The following PCDHGA1 variants were observed in gnomAD, a reference collection of about 807,000 sequenced individuals.
The protein encoded by PCDHGA1 is protocadherin gamma-A1.
A neutral mutation model predicts 58.0 loss-of-function variants in PCDHGA1; 32 were observed. That is an observed-to-expected ratio of 0.55 (90% CI 0.42 to 0.74). The LOEUF is 0.74. PCDHGA1 is among the 30% of genes least tolerant of loss of function. The pLI, the probability that PCDHGA1 is intolerant of heterozygous loss-of-function variation, is 0.00. For synonymous variants in PCDHGA1, 498 were observed against 501.1 expected, an observed-to-expected ratio of 0.99 and a Z score of 0.08; for missense variants, 1,205 against 1,182.3, an observed-to-expected ratio of 1.02 and a Z score of -0.28.
At chr5:141,341,055 T>A in intron 1 of PCDHGA1, 1 of 1,614,206 alleles carries the variant, frequency 6.2e-7, no homozygotes, top group Non-Finnish European at 8.5e-7. Context: ...TACCTGGTGG[T>A]GGCGGTGGCC....
intron 1 of PCDHGA1, chr5:141,421,331 C>T: frequency 1.2e-6 from 2 of 1,613,856 alleles, no homozygotes; most frequent in East Asian, 2.2e-5. Flanking sequence ...ATCCGATATT[C>T]GGTGCCAGAA....
intron 1 of PCDHGA1, chr5:141,427,194 T>G (rs759512205): frequency 6.6e-6 from 3 of 456,512 alleles, no homozygotes; most frequent in Non-Finnish European, 1.3e-5. Context: ...ATCCAAAGAC[T>G]TAATAGACTT....
At chr5:141,417,915 C>T in intron 1 of PCDHGA1, 1 of 1,603,354 alleles carries the variant, frequency 6.2e-7, no homozygotes. Flanking sequence ...GTACTATTTC[C>T]TTTGCTGCTG....
At chr5:141,435,430 T>C (rs576681937) in intron 1 of PCDHGA1, among the ~76,000 whole-genome samples, 115 of 152,334 alleles carry the variant, frequency 7.5e-4, no homozygotes, top group African/African-American at 2.6e-3. Flanking sequence ...ACTTCTGTTA[T>C]GCATTTCATT....
chr5:141,353,092 G>C (rs377333833), intron 1 of PCDHGA1, among the ~76,000 whole-genome samples: 1 of 152,080 alleles, frequency 6.6e-6, no homozygotes, highest in Non-Finnish European at 1.5e-5. Flanking sequence ...CTGCGGGAGG[G>C]GGTACTAGAT....
intron 1 of PCDHGA1, among the ~76,000 whole-genome samples, chr5:141,347,268 C>T (rs1757943776): frequency 2.6e-5 from 4 of 151,850 alleles, no homozygotes; most frequent in Admixed American, 2.6e-4. Context: ...ATCCTCCCAC[C>T]TCAGCCTCCC....
chr5:141,461,778 C>CA (rs1280703059), intron 1 of PCDHGA1, among the ~76,000 whole-genome samples: 6 of 152,052 alleles, frequency 3.9e-5, no homozygotes, highest in Non-Finnish European at 7.4e-5. Context: ...CTCAGCCTCC[C>CA]AAGTAGCTGG....
At chr5:141,356,289 T>G (rs1298139288) in intron 1 of PCDHGA1, 1 of 1,555,532 alleles carries the variant, frequency 6.4e-7, no homozygotes, top group Admixed American at 2.0e-5. Flanking sequence ...CTTCCCCGGG[T>G]ACAGTAATTG....
In PCDHGA1 at chr5:141,430,969, TAGGACGCA is replaced by T. The variant is rs775497521; in HGVS notation, c.2422-63837_2422-63830del. The T allele has an allele frequency of 7.3e-5, 118 of 1,613,012 alleles. 1 individual carries two copies. The Middle Eastern group carries it at 1.8e-3, about 25-fold the overall frequency. On this transcript the variant is annotated intron_variant, in intron 1 of 3. Transcript: ENST00000517417. ...GCGGAGTCCGCATCATCCCCAGAGG[TAGGACGCA>T]GCTTTTCGCCCTGAATCCGCGCAGC...
At chr5:141,371,345 T>TG (rs1178665977) in intron 1 of PCDHGA1, 1 of 1,613,878 alleles carries the variant, frequency 6.2e-7, no homozygotes, top group Non-Finnish European at 8.5e-7. Context: ...GCTACACAAT[T>TG]GGGGTGGAAG....
chr5:141,460,592 G>C (rs796171299), intron 1 of PCDHGA1, among the ~76,000 whole-genome samples: 12 of 151,976 alleles, frequency 7.9e-5, no homozygotes, highest in African/African-American at 2.9e-4. Flanking sequence ...GTTTTTTCTG[G>C]GCTCTCTGTG....
At chr5:141,458,854 T>G (rs2098955098) in intron 1 of PCDHGA1, among the ~76,000 whole-genome samples, 1 of 152,182 alleles carries the variant, frequency 6.6e-6, no homozygotes, top group South Asian at 2.1e-4. Flanking sequence ...CACCTCAGCC[T>G]TCCAAGTAGC....
chr5:141,344,166 G>C (rs1364890100), intron 1 of PCDHGA1: 1 of 1,613,904 alleles, frequency 6.2e-7, no homozygotes, highest in Admixed American at 1.7e-5. Flanking sequence ...AGGTTCCTTC[G>C]TGGGCAACAT....
At position 141,394,884 on chromosome 5, in the gene PCDHGA1, C is replaced by G. The variant is rs2093119839; in HGVS notation, c.2421+61779C>G. The G allele has an allele frequency of 1.2e-6, 2 of 1,613,784 alleles. 1 individual carries two copies. Among genetic ancestry groups the G allele is most frequent in the Admixed American group, 3.3e-5 (2 of 60,002 alleles). On this transcript the variant is annotated intron_variant, in intron 1 of 3. Coordinates refer to ENST00000517417, the MANE Select transcript of PCDHGA1 (RefSeq NM_018912.3). ...CGACCCGAACGATTCGAGCCTTACACTCTATCTCGTGGTGGCAGTGGCTGC... is the reference window on the plus strand; with the variant it reads ...CGACCCGAACGATTCGAGCCTTACAGTCTATCTCGTGGTGGCAGTGGCTGC...
Position 141,332,440 on chromosome 5 carries a change from T to G in PCDHGA1, c.1756T>G (p.Tyr586Asp). 1 of 1,613,906 alleles carries G rather than the reference T, an allele frequency of 6.2e-7. No individual in the cohort carries two copies. Among genetic ancestry groups the G allele is most frequent in the Non-Finnish European group, 8.5e-7 (1 of 1,180,022 alleles). ...ELAPLSAEPGYLVTKVVAVDR... is the reference protein window; with the variant it reads ...ELAPLSAEPGDLVTKVVAVDR... Reference sequence around the variant, plus strand: ...GGCGCCCCTCTCCGCAGAGCCCGGCTACCTGGTGACCAAGGTGGTGGCGGT... The same window carrying G: ...GGCGCCCCTCTCCGCAGAGCCCGGCGACCTGGTGACCAAGGTGGTGGCGGT... The change falls in exon 1 of 4, where the codon TAC becomes GAC. Residue 586 changes from tyrosine (Y) to aspartate (D), a missense_variant. Tyr to Asp is a radical substitution (Grantham distance 160, BLOSUM62 -3). Coordinates refer to ENST00000517417, the MANE Select transcript of PCDHGA1 (RefSeq NM_018912.3). The surrounding 1 kb of genome is among the most constrained non-coding windows in gnomAD (Gnocchi z 4.6).
chr5:141,429,374 TG>T (rs2097206438), intron 1 of PCDHGA1, among the ~76,000 whole-genome samples: 1 of 145,410 alleles, frequency 6.9e-6, no homozygotes, highest in South Asian at 2.2e-4. Context: ...ATGGAGAAAA[TG>T]TGTTTTTTTT....
intron 1 of PCDHGA1, chr5:141,370,540 A>C (rs1443482874): frequency 1.9e-6 from 3 of 1,613,508 alleles, no homozygotes; most frequent in African/African-American, 1.3e-5. Context: ...CTGGTAGGGA[A>C]CCTCGCCAAG....
intron 1 of PCDHGA1, chr5:141,343,099 A>G (rs752687624): frequency 3.0e-4 from 52 of 171,582 alleles, no homozygotes; most frequent in Admixed American, 1.7e-3. Flanking sequence ...ATCTCAGTAC[A>G]CTGCAATTCC....
intron 1 of PCDHGA1, among the ~76,000 whole-genome samples, chr5:141,462,763 G>A (rs935087747): frequency 2.6e-5 from 4 of 152,036 alleles, no homozygotes; most frequent in Non-Finnish European, 4.4e-5. Context: ...TTTTCTTCCT[G>A]GCTTGGGGTC....
Sources: allele counts gnomAD v4.1 joint callset (sites outside exome capture counted in the v4.1 genomes callset), GRCh38; gene constraint gnomAD v4.1.1; non-coding constraint Gnocchi (gnomAD v3.1); transcripts MANE v1.5; gene names NCBI Gene and HGNC (gene_info 2026-07-23, HGNC 2026-07-21).